ZMAT4: variants seen among roughly 807,000 people sequenced by gnomAD.
ZMAT4 encodes the protein zinc finger matrin-type protein 4.
In ZMAT4, 17 loss-of-function variants were observed where a neutral mutation model predicts 28.7. The observed-to-expected ratio is 0.59, with a 90% CI of 0.41 to 0.89. ZMAT4 has a LOEUF of 0.89. Ranked by LOEUF, ZMAT4 falls within the 40% of genes least tolerant of loss-of-function variation. The probability of loss-of-function intolerance (pLI) is 0.00; values close to 1 mark genes in which losing one functional copy is unlikely to be tolerated. For missense variants in ZMAT4, 240 were observed against 283.8 expected (o/e 0.85, Z 1.11); for synonymous variants, 117 against 109.2 (o/e 1.07, Z -0.44).
intron 2 of ZMAT4, among the ~76,000 whole-genome samples, chr8:40,775,554 T>C (rs1213668590): frequency 6.6e-6 from 1 of 152,156 alleles, no homozygotes; most frequent in Non-Finnish European, 1.5e-5. Context: ...AGTCCACAGC[T>C]CAAACAGAGG....
chr8:40,662,462 C>G (rs1808243313), intron 5 of ZMAT4, among the ~76,000 whole-genome samples: 1 of 152,110 alleles, frequency 6.6e-6, no homozygotes, highest in Admixed American at 6.5e-5. Context: ...TGAGTTTGCC[C>G]ACAGTGCATA....
chr8:40,541,656 G>A (rs1208294374), intron 6 of ZMAT4, among the ~76,000 whole-genome samples: 1 of 152,124 alleles, frequency 6.6e-6, no homozygotes, highest in Non-Finnish European at 1.5e-5. Flanking sequence ...CACTGAAAGT[G>A]TCTGAAATCA....
chr8:40,712,675 T>C (rs1409390097), intron 3 of ZMAT4, among the ~76,000 whole-genome samples: 2 of 152,140 alleles, frequency 1.3e-5, no homozygotes, highest in Non-Finnish European at 2.9e-5. Context: ...AATAGCGCCA[T>C]ATCCTGAAAT....
chr8:40,555,168 A>T (rs533257351), intron 6 of ZMAT4, among the ~76,000 whole-genome samples: 2 of 152,292 alleles, frequency 1.3e-5, no homozygotes, highest in East Asian at 3.9e-4. Flanking sequence ...TATATGGCCA[A>T]ATAATATTCC....
intron 2 of ZMAT4, among the ~76,000 whole-genome samples, chr8:40,798,938 G>A (rs1814707814): frequency 6.6e-6 from 1 of 152,138 alleles, no homozygotes; most frequent in Non-Finnish European, 1.5e-5. Flanking sequence ...CCCTCAATTG[G>A]GACATATTCC....
intron 2 of ZMAT4, among the ~76,000 whole-genome samples, chr8:40,799,966 G>T (rs932180215): frequency 6.6e-6 from 1 of 152,018 alleles, no homozygotes; most frequent in Admixed American, 6.6e-5. Context: ...GAGAGAAAAT[G>T]GAATCATATA....
intron 3 of ZMAT4, among the ~76,000 whole-genome samples, chr8:40,747,465 G>T (rs995526497): frequency 6.6e-6 from 1 of 151,878 alleles, no homozygotes; most frequent in African/African-American, 2.4e-5. Context: ...TTATGATTCG[G>T]TTTTACTTTT....
At chr8:40,746,525 A>C (rs1265643478) in intron 3 of ZMAT4, among the ~76,000 whole-genome samples, 1 of 151,410 alleles carries the variant, frequency 6.6e-6, no homozygotes, top group Non-Finnish European at 1.5e-5. Context: ...CACCACACCC[A>C]GTTAATTTTT....
At chr8:40,581,325 G>A in intron 5 of ZMAT4, 64 bp from the exon 6 acceptor site, 2 of 1,383,786 alleles carry the variant, frequency 1.4e-6, no homozygotes, top group Non-Finnish European at 2.1e-6. Context: ...ATGAATCCTA[G>A]CATCTCCAGA....
intron 5 of ZMAT4, among the ~76,000 whole-genome samples, chr8:40,658,619 TACACACACACACACACACACACAC>T (rs3038825): frequency 2.1e-5 from 3 of 145,504 alleles, no homozygotes; most frequent in Non-Finnish European, 4.5e-5. Context: ...GTTAGACACA[TACACACACACACACACACACACAC>T]ACACACACAC....
chr8:40,856,832 C>T (rs1264509137), intron 1 of ZMAT4, among the ~76,000 whole-genome samples: 3 of 152,152 alleles, frequency 2.0e-5, no homozygotes, highest in East Asian at 3.9e-4. Context: ...TAGGTGGTTT[C>T]CAGCATAGAC....
At chr8:40,796,589 A>G (rs1311531714) in intron 2 of ZMAT4, among the ~76,000 whole-genome samples, 1 of 152,196 alleles carries the variant, frequency 6.6e-6, no homozygotes, top group Non-Finnish European at 1.5e-5. Context: ...AAAAACTTTC[A>G]AAACTGCAGA....
At chr8:40,593,804 C>A (rs1006846957) in intron 5 of ZMAT4, among the ~76,000 whole-genome samples, 1 of 152,184 alleles carries the variant, frequency 6.6e-6, no homozygotes, top group African/African-American at 2.4e-5. Flanking sequence ...CATTCACATA[C>A]AAGCCAGCTG....
Position 40,531,994 on chromosome 8 carries a change from T to C in ZMAT4, c.*229A>G. On this transcript the variant is annotated 3_prime_UTR_variant, in exon 7 of 7. Transcript: ENST00000297737. ...TGCTAAATATGTTATCAGGAAAGAA[T>C]TTAAAAATCCATCCAAATATCATAA... 2.6e-6 allele frequency: 1 copy of C among 382,378 alleles called. No homozygotes were observed. Among genetic ancestry groups the C allele is most frequent in the Non-Finnish European group, 4.6e-6 (1 of 216,158 alleles). 23.7% of individuals were successfully genotyped at this position (382,378 alleles called of 1,614,324 possible). A position where few individuals can be genotyped will look rare whatever the true frequency, so the allele number is the denominator to read the frequency against.
chr8:40,636,648 A>G (rs1806802804), intron 5 of ZMAT4, among the ~76,000 whole-genome samples: 2 of 152,228 alleles, frequency 1.3e-5, no homozygotes, highest in Non-Finnish European at 2.9e-5. Context: ...GACAGAGCCT[A>G]GGAGAGCTTG....
intron 2 of ZMAT4, among the ~76,000 whole-genome samples, chr8:40,822,671 C>T (rs1012756190): frequency 6.6e-6 from 1 of 152,174 alleles, no homozygotes; most frequent in Non-Finnish European, 1.5e-5. Flanking sequence ...ATAAGGTATC[C>T]TCAGTCCTGA....
rs573761154 is a variant in ZMAT4 at position 40,551,403 on chromosome 8, A to G, written c.675-19165T>C. Among the ~76,000 whole-genome samples the G allele has an allele frequency of 5.3e-5, 8 of 152,342 alleles. No homozygotes were observed. In the South Asian group the frequency reaches 1.7e-3, roughly 32 times the overall value. ...GAGAAAGATATCACGTTGTTCTATT[A>G]AACTTTCAATTAAATATATCATCAT... On this transcript the variant is annotated intron_variant, in intron 6 of 6. Transcript: ENST00000297737.
intron 5 of ZMAT4, among the ~76,000 whole-genome samples, chr8:40,587,979 A>G (rs1410591005): frequency 1.3e-5 from 2 of 152,046 alleles, no homozygotes; most frequent in African/African-American, 4.8e-5. Flanking sequence ...AATAGATGTC[A>G]TGACAAGATG....
At chr8:40,708,482 G>T (rs1268026761) in intron 3 of ZMAT4, among the ~76,000 whole-genome samples, 1 of 152,152 alleles carries the variant, frequency 6.6e-6, no homozygotes, top group African/African-American at 2.4e-5. Flanking sequence ...AGACAAATGT[G>T]GGGGAGAGTG....
Sources: gnomAD v4.1 joint callset for allele counts (sites outside exome capture counted in the v4.1 genomes callset) on GRCh38, gnomAD v4.1.1 for gene constraint, MANE v1.5 for transcripts, NCBI Gene and HGNC (gene_info 2026-07-23, HGNC 2026-07-21) for gene names.